The following DGKB variants were observed in gnomAD, a reference collection of about 807,000 sequenced individuals.
The protein encoded by DGKB is 90 kDa diacylglycerol kinase.
Under a neutral mutation model 114.3 loss-of-function variants are expected in DGKB, and 67 were observed. That is an observed-to-expected ratio of 0.59 (90% CI 0.48 to 0.72). The LOEUF is 0.72. DGKB is among the 30% of genes least tolerant of loss of function. The probability of loss-of-function intolerance (pLI) is 0.00; values close to 1 mark genes in which losing one functional copy is unlikely to be tolerated. For missense variants in DGKB, 907 were observed against 975.2 expected, an observed-to-expected ratio of 0.93 and a Z score of 0.93; for synonymous variants, 398 against 323.1, an observed-to-expected ratio of 1.23 and a Z score of -2.49.
chr7:14,488,781 C>T (rs7786343), intron 20 of DGKB, among the ~76,000 whole-genome samples: 114 of 150,740 alleles, frequency 7.6e-4, no homozygotes, highest in African/African-American at 2.6e-3. Flanking sequence ...TGAGCCGAGA[C>T]TGCGCCACTG....
chr7:14,267,062 G>A (rs1233924283), intron 23 of DGKB, among the ~76,000 whole-genome samples: 2 of 152,192 alleles, frequency 1.3e-5, no homozygotes, highest in African/African-American at 2.4e-5. Flanking sequence ...ATGAATACAT[G>A]TCTTTGTGTG....
intron 25 of DGKB, among the ~76,000 whole-genome samples, chr7:14,155,667 A>T (rs1320371263): frequency 6.6e-6 from 1 of 152,058 alleles, no homozygotes; most frequent in African/African-American, 2.4e-5. Context: ...GAGATTGAGG[A>T]GGCAGAAGTA....
At chr7:14,195,321 G>A (rs562478861) in intron 23 of DGKB, among the ~76,000 whole-genome samples, 83 of 152,168 alleles carry the variant, frequency 5.5e-4, no homozygotes, top group South Asian at 2.3e-3. Context: ...CAAAGCAAGC[G>A]CTCATGAATG....
chr7:14,261,492 C>G (rs1455619355), intron 23 of DGKB, among the ~76,000 whole-genome samples: 1 of 152,032 alleles, frequency 6.6e-6, no homozygotes. Flanking sequence ...AACTTTTAGA[C>G]ACATTTATTC....
intron 23 of DGKB, among the ~76,000 whole-genome samples, chr7:14,202,071 T>G (rs1196207104): frequency 6.6e-6 from 1 of 152,052 alleles, no homozygotes; most frequent in Non-Finnish European, 1.5e-5. Flanking sequence ...ACAAATATAT[T>G]TCTTTTGATA....
intron 21 of DGKB, among the ~76,000 whole-genome samples, chr7:14,406,628 A>C (rs867811785): frequency 2.6e-5 from 4 of 152,040 alleles, no homozygotes; most frequent in African/African-American, 9.7e-5. Flanking sequence ...TCTTAGGTTC[A>C]AGTAGACTGA....
intron 23 of DGKB, among the ~76,000 whole-genome samples, chr7:14,264,814 G>A (rs1228502737): frequency 1.3e-5 from 2 of 152,114 alleles, no homozygotes; most frequent in African/African-American, 4.8e-5. Flanking sequence ...ATCACTAGAA[G>A]CAGAAAAGCT....
intron 23 of DGKB, among the ~76,000 whole-genome samples, chr7:14,243,297 G>C (rs535344806): frequency 6.6e-6 from 1 of 152,230 alleles, no homozygotes; most frequent in Admixed American, 6.5e-5. Context: ...GGTGACTCTG[G>C]AGTCTAGAAG....
chr7:14,682,583 T>C lies in DGKB; in HGVS notation c.1005A>G (p.Thr335=). ...TCTGACACCAAACACAATGCAGTCC[T>C]GTCAGGCCCTGGTAACATTTAACAG... ...HKTVKCYQGL[T]GLHCVWCQIT... Residue 335 remains threonine, a synonymous_variant, in exon 12 of 26, where the codon ACA becomes ACG. Transcript: ENST00000402815. 1 of 1,613,452 alleles carries C rather than the reference T, an allele frequency of 6.2e-7. No homozygotes were observed. Among genetic ancestry groups the C allele is most frequent in the South Asian group, 1.1e-5 (1 of 91,084 alleles).
intron 20 of DGKB, among the ~76,000 whole-genome samples, chr7:14,487,045 T>C (rs1011786247): frequency 6.6e-5 from 10 of 152,170 alleles, no homozygotes; most frequent in Admixed American, 4.6e-4. Flanking sequence ...ATGGCAAGAG[T>C]CATCTTGTTA....
intron 6 of DGKB, among the ~76,000 whole-genome samples, chr7:14,702,448 A>G (rs1039097762): frequency 2.6e-5 from 4 of 152,142 alleles, no homozygotes; most frequent in Non-Finnish European, 5.9e-5. Flanking sequence ...AGGGTAACTG[A>G]TGTTTGAACT....
chr7:14,621,215 C>A, intron 15 of DGKB, 163 bp downstream of exon 15: 2 of 551,204 alleles, frequency 3.6e-6, no homozygotes, highest in South Asian at 2.4e-5. Flanking sequence ...GTCAATCAAC[C>A]GTAAGACTGA....
At chr7:14,900,567 T>A (rs962192172) in intron 1 of DGKB, among the ~76,000 whole-genome samples, 1 of 152,098 alleles carries the variant, frequency 6.6e-6, no homozygotes, top group Non-Finnish European at 1.5e-5. Context: ...TGACTACAAC[T>A]CTCCGTTCTT....
chr7:14,800,188 T>A (rs1261866034), intron 2 of DGKB, among the ~76,000 whole-genome samples: 1 of 152,172 alleles, frequency 6.6e-6, no homozygotes, highest in Non-Finnish European at 1.5e-5. Flanking sequence ...AGTGCTGGAA[T>A]TACAGGCGTG....
At chr7:14,201,563 C>G (rs968220885) in intron 23 of DGKB, among the ~76,000 whole-genome samples, 6 of 151,872 alleles carry the variant, frequency 4.0e-5, no homozygotes, top group African/African-American at 1.4e-4. Flanking sequence ...ATTGCAGTGG[C>G]CACCGGGGTT....
chr7:14,463,311 G>A (rs894466270), intron 21 of DGKB, among the ~76,000 whole-genome samples: 2 of 152,058 alleles, frequency 1.3e-5, no homozygotes, highest in Admixed American at 6.6e-5. Flanking sequence ...ATCGATGGGT[G>A]CAGCAAACTA....
At chr7:14,707,085 A>G (rs1382369422) in intron 6 of DGKB, among the ~76,000 whole-genome samples, 2 of 147,690 alleles carry the variant, frequency 1.4e-5, no homozygotes, top group Admixed American at 6.8e-5. Flanking sequence ...CTAATAAAGA[A>G]AAAAAGAGAG....
chr7:14,543,115 A>G (rs1342758725), intron 20 of DGKB, among the ~76,000 whole-genome samples: 1 of 152,192 alleles, frequency 6.6e-6, no homozygotes, highest in Non-Finnish European at 1.5e-5. Flanking sequence ...GCAAGTGTCC[A>G]TTTTATTAAT....
chr7:14,689,559 G>C (rs960551585), intron 9 of DGKB, among the ~76,000 whole-genome samples: 3 of 152,118 alleles, frequency 2.0e-5, no homozygotes, highest in African/African-American at 7.2e-5. Context: ...GAGTGGAGCT[G>C]TCATCAACTG....
Sources: allele counts gnomAD v4.1 joint callset (sites outside exome capture counted in the v4.1 genomes callset), GRCh38; gene constraint gnomAD v4.1.1; transcripts MANE v1.5; gene names NCBI Gene and HGNC (gene_info 2026-07-23, HGNC 2026-07-21).